Variants in GRM7 observed in about 807,000 individuals in gnomAD.
GRM7 encodes glutamate metabotropic receptor 7, also known as metabotropic glutamate receptor 7.
GRM7 carries 35 observed loss-of-function variants against 84.5 expected under a neutral mutation model. The ratio of observed to expected loss-of-function variants is 0.41; its 90% CI spans 0.32 to 0.55. The LOEUF is 0.55. GRM7 is among the 20% of genes least tolerant of loss of function. GRM7 has a pLI of 0.19. For synonymous variants in GRM7, 487 were observed against 455.1 expected (o/e 1.07, Z -0.89); for missense variants, 1,003 against 1,194.6 (o/e 0.84, Z 2.36).
intron 1 of GRM7, among the ~76,000 whole-genome samples, chr3:7,036,540 G>A (rs904929202): frequency 6.6e-6 from 1 of 152,082 alleles, no homozygotes; most frequent in Non-Finnish European, 1.5e-5. Flanking sequence ...ATATCATCTA[G>A]GGGAGGAGAA....
At chr3:6,984,998 G>C (rs1022829944) in intron 1 of GRM7, among the ~76,000 whole-genome samples, 40 of 152,272 alleles carry the variant, frequency 2.6e-4, no homozygotes, top group African/African-American at 9.6e-4. Flanking sequence ...GAGCACCGAG[G>C]CTGAGATTAC....
chr3:7,194,714 A>G lies in GRM7; in HGVS notation c.736+48046A>G, dbSNP rs116752365. On this transcript the variant is annotated intron_variant, in intron 2 of 9. Transcript: ENST00000357716. ...AAGTTACTTAACCTCTTGATGACTC[A>G]ATGTCTTAATCTATTAAACAGAGGT... Among the ~76,000 whole-genome samples, 188 of 152,274 alleles carry G rather than the reference A, an allele frequency of 1.2e-3. 1 individual carries two copies. Among genetic ancestry groups the G allele is most frequent in the African/African-American group, 4.4e-3 (184 of 41,572 alleles).
intron 2 of GRM7, among the ~76,000 whole-genome samples, chr3:7,256,846 A>G (rs1194354065): frequency 6.6e-6 from 1 of 152,250 alleles, no homozygotes; most frequent in Non-Finnish European, 1.5e-5. Flanking sequence ...TTTCCAATAG[A>G]GACTGTTAAA....
rs562241182 is a variant in GRM7, at chr3:6,943,804, T to C, written c.519+81897T>C. ...ATTGTCTTCTAAACAATTCTGAGCT[T>C]ACTGATTAATGAAAAAGGTAACTCA... On this transcript the variant is annotated intron_variant, in intron 1 of 9. Transcript: ENST00000357716. 3.9e-5 allele frequency among the ~76,000 whole-genome samples: 6 copies of C among 152,190 alleles called. No individual in the cohort carries two copies. In the East Asian group the frequency reaches 1.2e-3, roughly 29 times the overall value.
At chr3:7,028,240 A>T (rs1696051521) in intron 1 of GRM7, among the ~76,000 whole-genome samples, 2 of 152,228 alleles carry the variant, frequency 1.3e-5, no homozygotes, top group African/African-American at 4.8e-5. Context: ...TTATAATGTC[A>T]TATAATAGAC....
At chr3:7,656,344 A>G (rs181037187) in intron 8 of GRM7, among the ~76,000 whole-genome samples, 1 of 152,072 alleles carries the variant, frequency 6.6e-6, no homozygotes, top group African/African-American at 2.4e-5. Flanking sequence ...TAGCTATTAA[A>G]TATTAGCCGG....
At chr3:7,042,574 A>C (rs2124943133) in intron 1 of GRM7, among the ~76,000 whole-genome samples, 1 of 152,152 alleles carries the variant, frequency 6.6e-6, no homozygotes, top group Admixed American at 6.5e-5. Flanking sequence ...ATATCTTCAA[A>C]TGCACCAATA....
intron 8 of GRM7, among the ~76,000 whole-genome samples, chr3:7,606,557 G>GGTCT (rs1559434806): frequency 6.6e-6 from 1 of 152,056 alleles, no homozygotes; most frequent in Non-Finnish European, 1.5e-5. Flanking sequence ...GGGGGGACAA[G>GGTCT]GTCTCTCTTT....
At chr3:7,287,909 A>G (rs1377294822) in intron 2 of GRM7, among the ~76,000 whole-genome samples, 4 of 152,186 alleles carry the variant, frequency 2.6e-5, no homozygotes, top group Non-Finnish European at 4.4e-5. Flanking sequence ...TTAAAGCTCA[A>G]TTTATCATTT....
At chr3:7,117,617 C>A (rs1214594060) in intron 1 of GRM7, among the ~76,000 whole-genome samples, 1 of 152,236 alleles carries the variant, frequency 6.6e-6, no homozygotes, top group East Asian at 1.9e-4. Flanking sequence ...TCCTCATGCT[C>A]TCCCAGTCAG....
intron 2 of GRM7, among the ~76,000 whole-genome samples, chr3:7,181,261 T>C (rs1055113641): frequency 9.9e-5 from 15 of 152,200 alleles, no homozygotes; most frequent in African/African-American, 3.4e-4. Context: ...TGCCATATCT[T>C]CCATACTATT....
At chr3:7,596,379 G>T (rs1307765919) in intron 8 of GRM7, among the ~76,000 whole-genome samples, 1 of 152,166 alleles carries the variant, frequency 6.6e-6, no homozygotes, top group Non-Finnish European at 1.5e-5. Context: ...ATTCAAGAGA[G>T]ATGCTGGGAA....
intron 2 of GRM7, among the ~76,000 whole-genome samples, chr3:7,245,464 A>G (rs1205099391): frequency 6.6e-6 from 1 of 152,042 alleles, no homozygotes; most frequent in Admixed American, 6.6e-5. Flanking sequence ...TGGACCTCAT[A>G]TGAGAAACAA....
chr3:7,036,893 T>C (rs1204585983), intron 1 of GRM7, among the ~76,000 whole-genome samples: 1 of 152,116 alleles, frequency 6.6e-6, no homozygotes, highest in Admixed American at 6.6e-5. Context: ...GTGTTTCAAG[T>C]TGCTCCATCT....
intron 1 of GRM7, among the ~76,000 whole-genome samples, chr3:6,906,847 T>C (rs552470066): frequency 2.8e-4 from 43 of 152,308 alleles, no homozygotes; most frequent in Admixed American, 6.5e-4. Context: ...TTTACCTTGA[T>C]GCAGTTTTTA....
chr3:6,974,945 A>T (rs994542627), intron 1 of GRM7, among the ~76,000 whole-genome samples: 1 of 152,174 alleles, frequency 6.6e-6, no homozygotes, highest in Non-Finnish European at 1.5e-5. Context: ...ATATGAGAGT[A>T]TTCTTAGGTA....
chr3:7,211,389 T>C (rs1234303504), intron 2 of GRM7, among the ~76,000 whole-genome samples: 1 of 152,156 alleles, frequency 6.6e-6, no homozygotes, highest in Non-Finnish European at 1.5e-5. Flanking sequence ...TCTGGGATTC[T>C]GATGCAGGTG....
At chr3:7,506,077 A>G (rs1700031367) in intron 7 of GRM7, among the ~76,000 whole-genome samples, 2 of 152,318 alleles carry the variant, frequency 1.3e-5, no homozygotes, top group South Asian at 4.1e-4. Context: ...GCCATTAAGC[A>G]GCCTGCATGG....
At chr3:7,708,497 G>A (rs1701471864) in intron 9 of GRM7, among the ~76,000 whole-genome samples, 1 of 152,172 alleles carries the variant, frequency 6.6e-6, no homozygotes, top group Non-Finnish European at 1.5e-5. Flanking sequence ...ATGTCTTGAA[G>A]TGATCGGGGG....
Sources: allele counts gnomAD v4.1 joint callset (sites outside exome capture counted in the v4.1 genomes callset), GRCh38; gene constraint gnomAD v4.1.1; transcripts MANE v1.5; gene names NCBI Gene and HGNC (gene_info 2026-07-23, HGNC 2026-07-21).